NAALADL2: variants seen among roughly 807,000 people sequenced by gnomAD.
The protein encoded by NAALADL2 is inactive N-acetylated-alpha-linked acidic dipeptidase-like protein 2.
A neutral mutation model predicts 87.2 loss-of-function variants in NAALADL2; 76 were observed. That is an observed-to-expected ratio of 0.87 (90% confidence interval 0.72 to 1.05). The LOEUF is 1.05. Among genes scored for constraint, NAALADL2 ranks in the 50% least tolerant of loss-of-function variants. The pLI is 0.00. For synonymous variants in NAALADL2, 354 were observed against 331.0 expected (o/e 1.07, Z -0.75); for missense variants, 1,089 against 945.8 (o/e 1.15, Z -1.99).
intron 1 of NAALADL2, among the ~76,000 whole-genome samples, chr3:174,895,840 T>C (rs977882598): frequency 1.3e-5 from 2 of 152,126 alleles, no homozygotes; most frequent in African/African-American, 4.8e-5. Flanking sequence ...AGAAAGATCA[T>C]TCATCATGAT....
intron 11 of NAALADL2, among the ~76,000 whole-genome samples, chr3:175,698,483 T>TTATTTATATA (rs1553953640): frequency 1.7e-3 from 117 of 67,722 alleles, no homozygotes; most frequent in African/African-American, 9.6e-3. Flanking sequence ...GTATATATAT[T>TTATTTATATA]TATATATATA....
chr3:174,855,326 C>T (rs1725729550), upstream of NAALADL2, among the ~76,000 whole-genome samples: 2 of 152,184 alleles, frequency 1.3e-5, no homozygotes, highest in Admixed American at 6.5e-5. Context: ...TCTTTTGAGA[C>T]CACCTGTGTT....
chr3:174,924,642 C>T (rs1169652481), intron 1 of NAALADL2, among the ~76,000 whole-genome samples: 4 of 152,152 alleles, frequency 2.6e-5, no homozygotes, highest in Non-Finnish European at 5.9e-5. Flanking sequence ...GCCACACTGT[C>T]TTCCACAATG....
At chr3:175,614,931 T>C (rs1725135486) in intron 10 of NAALADL2, among the ~76,000 whole-genome samples, 1 of 152,160 alleles carries the variant, frequency 6.6e-6, no homozygotes, top group South Asian at 2.1e-4. Flanking sequence ...AAAACAGAAA[T>C]TCTGAGATTG....
At chr3:175,624,848 C>G (rs1183222787) in intron 10 of NAALADL2, among the ~76,000 whole-genome samples, 1 of 151,856 alleles carries the variant, frequency 6.6e-6, no homozygotes, top group Non-Finnish European at 1.5e-5. Context: ...TAATTAATTA[C>G]CCCCACCTCA....
chr3:174,681,787 A>G (rs1213802691), intron 2 of NAALADL2, among the ~76,000 whole-genome samples: 2 of 152,184 alleles, frequency 1.3e-5, no homozygotes, highest in South Asian at 2.1e-4. Context: ...ATTGCCTTCC[A>G]GCTTAGATAC....
At chr3:175,412,344 A>T (rs1212399249) in intron 5 of NAALADL2, among the ~76,000 whole-genome samples, 1 of 152,318 alleles carries the variant, frequency 6.6e-6, no homozygotes, top group African/African-American at 2.4e-5. Flanking sequence ...CAAGCATTTA[A>T]TGGATAAATG....
intron 6 of NAALADL2, among the ~76,000 whole-genome samples, chr3:175,450,231 G>A (rs906502476): frequency 6.6e-6 from 1 of 152,026 alleles, no homozygotes; most frequent in Non-Finnish European, 1.5e-5. Context: ...TCACAGTGAT[G>A]TATATCAGGA....
chr3:175,776,699 G>T (rs1396617516), intron 13 of NAALADL2, among the ~76,000 whole-genome samples: 2 of 152,062 alleles, frequency 1.3e-5, no homozygotes, highest in African/African-American at 4.8e-5. Context: ...TAGAAAGTCT[G>T]TCAATGATTA....
At chr3:175,622,005 G>T (rs1389368886) in intron 10 of NAALADL2, among the ~76,000 whole-genome samples, 1 of 152,000 alleles carries the variant, frequency 6.6e-6, no homozygotes, top group African/African-American at 2.4e-5. Context: ...TCCTATTATT[G>T]CTACCACATA....
chr3:175,211,878 G>T (rs1478363353), intron 2 of NAALADL2, among the ~76,000 whole-genome samples: 1 of 151,912 alleles, frequency 6.6e-6, no homozygotes. Flanking sequence ...AATCAAAAAT[G>T]ATTAGTCCTC....
intron 11 of NAALADL2, among the ~76,000 whole-genome samples, chr3:175,660,866 C>T (rs1336464182): frequency 2.0e-5 from 3 of 152,066 alleles, no homozygotes; most frequent in African/African-American, 7.2e-5. Context: ...AATAATATTT[C>T]ACTGTGTATA....
chr3:174,831,994 T>C (rs1459205142), intron 3 of NAALADL2, among the ~76,000 whole-genome samples: 1 of 152,040 alleles, frequency 6.6e-6, no homozygotes, highest in Non-Finnish European at 1.5e-5. Flanking sequence ...TTGATTCTTC[T>C]CTCTTTTTTT....
chr3:174,761,669 G>T lies in NAALADL2; in HGVS notation c.-9+23923G>T, dbSNP rs1712980131. On this transcript the variant is annotated intron_variant, in intron 3 of 3. Transcript: ENST00000434257. Reference sequence around the variant, plus strand: ...TTAGGGTACATGTACACAATGTGCAGGTTTGTTACATATGTATACATGTGC... The same window carrying T: ...TTAGGGTACATGTACACAATGTGCATGTTTGTTACATATGTATACATGTGC... 3.3e-5 allele frequency among the ~76,000 whole-genome samples: 5 copies of T among 152,054 alleles called. 1 individual carries two copies. The South Asian group carries it at 1.0e-3, about 32-fold the overall frequency.
intron 3 of NAALADL2, among the ~76,000 whole-genome samples, chr3:174,791,963 CT>C (rs1717506008): frequency 6.6e-6 from 1 of 152,098 alleles, no homozygotes; most frequent in African/African-American, 2.4e-5. Flanking sequence ...AATCCCAGCA[CT>C]TTGGGAGGCC....
intron 3 of NAALADL2, among the ~76,000 whole-genome samples, chr3:174,842,472 A>G (rs1009558080): frequency 1.3e-5 from 2 of 152,320 alleles, no homozygotes; most frequent in South Asian, 4.1e-4. Context: ...GTGCTACTGG[A>G]ACTTACAGTG....
chr3:174,889,383 A>G (rs1042286546), intron 1 of NAALADL2, among the ~76,000 whole-genome samples: 1 of 152,178 alleles, frequency 6.6e-6, no homozygotes, highest in Admixed American at 6.5e-5. Context: ...AAATAAAGAC[A>G]AACAAAAGGA....
intron 9 of NAALADL2, among the ~76,000 whole-genome samples, chr3:175,481,579 C>T (rs1247813082): frequency 6.6e-6 from 1 of 151,758 alleles, no homozygotes; most frequent in South Asian, 2.1e-4. Context: ...AGTCATATTA[C>T]TCAACAGTCA....
intron 5 of NAALADL2, among the ~76,000 whole-genome samples, chr3:175,373,574 A>G (rs1766762062): frequency 6.6e-6 from 1 of 152,120 alleles, no homozygotes; most frequent in South Asian, 2.1e-4. Context: ...GCTAATTGTC[A>G]TTTGGACTGT....
Sources: gnomAD v4.1 joint callset for allele counts (sites outside exome capture counted in the v4.1 genomes callset) on GRCh38, gnomAD v4.1.1 for gene constraint, MANE v1.5 for transcripts, NCBI Gene and HGNC (gene_info 2026-07-23, HGNC 2026-07-21) for gene names.